RAB19: variants seen among roughly 807,000 people sequenced by gnomAD.
The protein encoded by RAB19 is RAB19, member RAS oncogene family, also known as ras-related protein Rab-19.
Under a neutral mutation model 17.3 loss-of-function variants are expected in RAB19, and 21 were observed. That is an observed-to-expected ratio of 1.21 (90% CI 0.86 to 1.74). RAB19 has a LOEUF of 1.74. Among genes scored for constraint, RAB19 ranks in the 40% most tolerant of loss-of-function variants. The probability of loss-of-function intolerance (pLI) is 0.00; values close to 1 mark genes in which losing one functional copy is unlikely to be tolerated. For synonymous variants in RAB19, 126 were observed against 110.4 expected (o/e 1.14, Z -0.88); for missense variants, 277 against 286.8 (o/e 0.97, Z 0.25).
chr7:140,411,958 G>A lies in RAB19; in HGVS notation c.286G>A (p.Ala96Thr), dbSNP rs751270524. 8.7e-6 allele frequency: 14 copies of A among 1,614,022 alleles called. No individual in the cohort carries two copies. In the East Asian group the frequency reaches 2.7e-4, roughly 31 times the overall value. ...YYRSAHAAII[A>T]YDLTRRSTFE... is the part of the protein sequence containing the mutation. ...CCGCAGTGCCCACGCAGCCATCATC[G>A]CCTATGACCTCACCCGGCGGTCCAC... Residue 96 changes from alanine to threonine, a missense_variant, in exon 3 of 4, where the codon GCC becomes ACC. Physicochemically the swap from Ala to Thr is moderately conservative, Grantham distance 58. Coordinates refer to ENST00000537763, the MANE Select transcript of RAB19 (RefSeq NM_001008749.3).
At chr7:140,410,307 A>ATTTTTGTTTTT (rs1799330888) in intron 2 of RAB19, among the ~76,000 whole-genome samples, 1 of 55,040 alleles carries the variant, frequency 1.8e-5, no homozygotes, top group Non-Finnish European at 3.5e-5. Context: ...TAATTTTTGT[A>ATTTTTGTTTTT]TTTTTCTTTT....
At chr7:140,420,197 G>A (rs565914348) in intron 3 of RAB19, among the ~76,000 whole-genome samples, 65 of 152,156 alleles carry the variant, frequency 4.3e-4, no homozygotes, top group African/African-American at 1.6e-3. Flanking sequence ...GAGGCAGGTG[G>A]ATCACCTGAG....
chr7:140,408,177 G>A (rs1025749967), intron 2 of RAB19, among the ~76,000 whole-genome samples: 5 of 151,498 alleles, frequency 3.3e-5, no homozygotes, highest in East Asian at 1.9e-4. Context: ...GAGCCACCGC[G>A]CCTGGCCAGT....
At chr7:140,411,636 C>T (rs1267104596) in intron 2 of RAB19, among the ~76,000 whole-genome samples, 2 of 152,038 alleles carry the variant, frequency 1.3e-5, no homozygotes, top group African/African-American at 2.4e-5. Context: ...AAATGTGTCC[C>T]GTGGGTTGCG....
chr7:140,425,899 TG>T lies in RAB19; in HGVS notation c.406del (p.Glu136LysfsTer33), dbSNP rs992672973. The T allele has an allele frequency of 5.0e-6, 8 of 1,610,822 alleles. No homozygotes were observed. Among genetic ancestry groups the T allele is most frequent in the African/African-American group, 1.3e-5 (1 of 74,786 alleles). On this transcript the variant is annotated frameshift_variant, in exon 4 of 4. Coordinates refer to ENST00000537763, the MANE Select transcript of RAB19 (RefSeq NM_001008749.3). LOFTEE classifies it high-confidence loss of function. Reference protein sequence around the residue: ...IMLIGNKCDLWEKRHVLFEDA... With the variant: ...IMLIGNKCDLXEKRHVLFEDA... ...CCTTCCAGGAAATAAATGTGACCTC[TG>T]GGAAAAGCGGCACGTCCTGTTCGAG...
At chr7:140,413,284 T>C (rs557991946) in intron 3 of RAB19, among the ~76,000 whole-genome samples, 2 of 152,336 alleles carry the variant, frequency 1.3e-5, no homozygotes, top group African/African-American at 4.8e-5. Flanking sequence ...TTACCATAGT[T>C]CTGTAGTATA....
At chr7:140,411,083 A>C in intron 2 of RAB19, 3 of 1,367,782 alleles carry the variant, frequency 2.2e-6, no homozygotes, top group Non-Finnish European at 2.9e-6. Flanking sequence ...AAGGCAAAGA[A>C]CACAAGACCC....
Position 140,407,666 on chromosome 7 carries a change from C to G in RAB19, c.20C>G (p.Ala7Gly), listed in dbSNP as rs1230512555. 6.2e-7 allele frequency: 1 copy of G among 1,613,962 alleles called. No individual in the cohort carries two copies. Among genetic ancestry groups the G allele is most frequent in the Non-Finnish European group, 8.5e-7 (1 of 1,180,032 alleles). Residue 7 changes from alanine to glycine, a missense_variant, in exon 2 of 4, where the codon GCC becomes GGC. Coordinates refer to ENST00000537763, the MANE Select transcript of RAB19 (RefSeq NM_001008749.3). The part of the protein sequence containing the change: MHFSSS[A>G]RAADENFDYL... Reference sequence around the variant, plus strand: ...AGAACCATGCACTTCTCCAGCTCAGCCAGGGCAGCAGATGAGAACTTTGAC... The same window carrying G: ...AGAACCATGCACTTCTCCAGCTCAGGCAGGGCAGCAGATGAGAACTTTGAC...
chr7:140,407,064 T>G (rs1245956946), intron 1 of RAB19, among the ~76,000 whole-genome samples: 2 of 152,140 alleles, frequency 1.3e-5, no homozygotes, highest in African/African-American at 2.4e-5. Flanking sequence ...TTTGTATTTT[T>G]AGTAGAGATG....
intron 3 of RAB19, among the ~76,000 whole-genome samples, chr7:140,423,994 C>T (rs577231378): frequency 6.2e-4 from 94 of 151,918 alleles, no homozygotes; most frequent in African/African-American, 2.2e-3. Flanking sequence ...GCTGGGATTA[C>T]AGGCGCGTGC....
chr7:140,408,503 T>A (rs1023710758), intron 2 of RAB19, among the ~76,000 whole-genome samples: 1 of 151,934 alleles, frequency 6.6e-6, no homozygotes, highest in Non-Finnish European at 1.5e-5. Flanking sequence ...TGAGGCAGAG[T>A]CTCACTCCAT....
At chr7:140,410,802 T>A (rs952226033) in intron 2 of RAB19, among the ~76,000 whole-genome samples, 2 of 152,160 alleles carry the variant, frequency 1.3e-5, no homozygotes, top group Non-Finnish European at 2.9e-5. Flanking sequence ...TTGCAAACTT[T>A]CTCTAAAAAA....
intron 3 of RAB19, among the ~76,000 whole-genome samples, chr7:140,424,586 CCTCTCTCT>C (rs376517516): frequency 0.011 from 1,432 of 127,582 alleles, 24 homozygotes; most frequent in African/African-American, 0.039. Flanking sequence ...TGGACCTCTC[CCTCTCTCT>C]CTCTCTCTCT....
chr7:140,409,642 G>A (rs1238518285), intron 2 of RAB19, among the ~76,000 whole-genome samples: 1 of 151,942 alleles, frequency 6.6e-6, no homozygotes, highest in Non-Finnish European at 1.5e-5. Context: ...AGGTTGCAGT[G>A]AGCTGAGATC....
At chr7:140,425,799 C>G in intron 3 of RAB19, 83 bp from the exon 4 acceptor site, 1 of 1,447,256 alleles carries the variant, frequency 6.9e-7, no homozygotes, top group Non-Finnish European at 9.4e-7. Flanking sequence ...TATTGAAGAA[C>G]TAAAATGTTA....
chr7:140,414,630 A>G (rs150326739), intron 3 of RAB19, among the ~76,000 whole-genome samples: 1 of 152,318 alleles, frequency 6.6e-6, no homozygotes, highest in East Asian at 1.9e-4. Context: ...TAAGGTGTCC[A>G]TGCCAGAGGG....
intron 1 of RAB19, among the ~76,000 whole-genome samples, chr7:140,404,722 G>C (rs188749621): frequency 0.016 from 2,512 of 152,268 alleles, 69 homozygotes; most frequent in African/African-American, 0.057. Context: ...CACATCAAAT[G>C]TAATCATTAA....
chr7:140,426,141 CA>C lies in RAB19; in HGVS notation c.646del (p.Thr216LeufsTer44), dbSNP rs767038237. 5 of 1,613,058 alleles carry C rather than the reference CA, an allele frequency of 3.1e-6. No individual in the cohort carries two copies. The South Asian group carries it at 5.5e-5, about 18-fold the overall frequency. Reference protein sequence around the residue: ...AQGPSEKTHCTC With the variant: ...AQGPSEKTHCXC ...AGGGTCCAAGTGAAAAGACCCACTG[CA>C]CTTGCTAAGATGTTTGCAAAGCCAG... is the stretch of plus-strand genomic sequence containing the variant. On this transcript the variant is annotated frameshift_variant, in exon 4 of 4. Coordinates refer to ENST00000537763, the MANE Select transcript of RAB19 (RefSeq NM_001008749.3). LOFTEE classifies it high-confidence loss of function.
intron 3 of RAB19, among the ~76,000 whole-genome samples, chr7:140,422,950 A>G (rs1346636751): frequency 6.6e-6 from 1 of 151,998 alleles, no homozygotes; most frequent in Non-Finnish European, 1.5e-5. Flanking sequence ...TCTACTAAAA[A>G]TACAAAAATT....
Sources: gnomAD v4.1 joint callset for allele counts (sites outside exome capture counted in the v4.1 genomes callset) on GRCh38, gnomAD v4.1.1 for gene constraint, MANE v1.5 for transcripts, NCBI Gene and HGNC (gene_info 2026-07-23, HGNC 2026-07-21) for gene names.